Variants in TENM4 observed in about 807,000 individuals in gnomAD.
TENM4 encodes the protein teneurin-4.
Under a neutral mutation model 243.3 loss-of-function variants are expected in TENM4, and 82 were observed. That is an observed-to-expected ratio of 0.34 (90% CI 0.28 to 0.40). The LOEUF (loss-of-function observed/expected upper bound fraction) is 0.40. Among genes scored for constraint, TENM4 ranks in the 10% least tolerant of loss-of-function variants. The pLI is 1.00. For missense variants in TENM4, 3,138 were observed against 3,673.3 expected (o/e 0.85, Z 3.77); for synonymous variants, 1,412 against 1,456.3 (o/e 0.97, Z 0.69).
At chr11:78,668,124 T>C (rs1858205015) in intron 32 of TENM4, among the ~76,000 whole-genome samples, 1 of 152,224 alleles carries the variant, frequency 6.6e-6, no homozygotes, top group African/African-American at 2.4e-5. Context: ...TGAAATGTAT[T>C]TCACTTCACC....
chr11:78,692,054 G>A (rs1362368442), intron 28 of TENM4, among the ~76,000 whole-genome samples: 1 of 152,144 alleles, frequency 6.6e-6, no homozygotes, highest in East Asian at 1.9e-4. Flanking sequence ...ACAACAAAGA[G>A]CAGGGACCTG....
intron 6 of TENM4, among the ~76,000 whole-genome samples, chr11:78,929,886 A>G (rs1323696929): frequency 6.6e-6 from 1 of 152,196 alleles, no homozygotes; most frequent in Non-Finnish European, 1.5e-5. Flanking sequence ...TTCTTTGAAG[A>G]CTAATTAAAT....
At chr11:78,727,963 C>A (rs937135941) in intron 22 of TENM4, among the ~76,000 whole-genome samples, 3 of 152,206 alleles carry the variant, frequency 2.0e-5, no homozygotes, top group African/African-American at 7.2e-5. Flanking sequence ...TGGAAGACGT[C>A]CCTGTGACCC....
intron 6 of TENM4, among the ~76,000 whole-genome samples, chr11:78,983,721 G>A (rs528917760): frequency 1.5e-4 from 22 of 147,634 alleles, no homozygotes; most frequent in Non-Finnish European, 2.7e-4. Context: ...ACACGGCAGG[G>A]CCTGTCACCC....
intron 3 of TENM4, among the ~76,000 whole-genome samples, chr11:79,171,305 C>T (rs1477714019): frequency 1.3e-5 from 2 of 152,182 alleles, no homozygotes; most frequent in Non-Finnish European, 2.9e-5. Context: ...GTGGGCACAA[C>T]TGCATATTTA....
chr11:79,117,517 G>A (rs184253947), intron 4 of TENM4, among the ~76,000 whole-genome samples: 7 of 152,258 alleles, frequency 4.6e-5, no homozygotes, highest in East Asian at 1.9e-4. Flanking sequence ...GTGATGGGGC[G>A]GGGGCCAAAC....
intron 2 of TENM4, among the ~76,000 whole-genome samples, chr11:79,251,129 T>C (rs903393559): frequency 6.6e-6 from 1 of 152,214 alleles, no homozygotes; most frequent in Non-Finnish European, 1.5e-5. Context: ...CACGTCTTAA[T>C]AGCTAGAGGC....
chr11:79,334,299 G>A (rs952143011), intron 1 of TENM4, among the ~76,000 whole-genome samples: 2 of 152,188 alleles, frequency 1.3e-5, no homozygotes, highest in African/African-American at 4.8e-5. Flanking sequence ...TGATGTCTCT[G>A]AATGTGATCA....
chr11:78,849,156 A>G (rs1858470515), intron 12 of TENM4, among the ~76,000 whole-genome samples: 1 of 152,252 alleles, frequency 6.6e-6, no homozygotes, highest in Non-Finnish European at 1.5e-5. Context: ...ATGAAAAGAT[A>G]AGATGCTACC....
At position 78,837,812 on chromosome 11, in the gene TENM4, T is replaced by C. The variant is rs562336229; in HGVS notation, c.1681+16292A>G. Among the ~76,000 whole-genome samples the C allele has an allele frequency of 4.6e-5, 7 of 152,362 alleles. No homozygotes were observed. In the East Asian group the frequency reaches 5.8e-4, roughly 13 times the overall value. Reference sequence around the variant, plus strand: ...ACTTTTATGATAATTTTAATGGCTATATAATATTAAGTAGATATACTATAT... The same window carrying C: ...ACTTTTATGATAATTTTAATGGCTACATAATATTAAGTAGATATACTATAT... On this transcript the variant is annotated intron_variant, in intron 12 of 33. Coordinates refer to ENST00000278550, the MANE Select transcript of TENM4 (RefSeq NM_001098816.3).
intron 4 of TENM4, among the ~76,000 whole-genome samples, chr11:79,127,784 G>A (rs1316961371): frequency 1.3e-5 from 2 of 152,150 alleles, no homozygotes; most frequent in Non-Finnish European, 2.9e-5. Flanking sequence ...CCAGAGAATG[G>A]GAAATAAATC....
At chr11:79,315,905 C>G (rs902060189) in intron 1 of TENM4, among the ~76,000 whole-genome samples, 5 of 152,180 alleles carry the variant, frequency 3.3e-5, no homozygotes, top group Non-Finnish European at 7.3e-5. Context: ...ATTGCACTTT[C>G]TGCTATTACA....
intron 14 of TENM4, among the ~76,000 whole-genome samples, chr11:78,809,823 G>C (rs1857460258): frequency 6.6e-6 from 1 of 152,168 alleles, no homozygotes; most frequent in African/African-American, 2.4e-5. Flanking sequence ...TTAACAAAAT[G>C]ATGAGGCCTG....
At chr11:79,273,674 C>T (rs1856006545) in intron 2 of TENM4, among the ~76,000 whole-genome samples, 1 of 152,178 alleles carries the variant, frequency 6.6e-6, no homozygotes, top group Non-Finnish European at 1.5e-5. Flanking sequence ...ATGCACTGCC[C>T]CACTGCCTCC....
intron 6 of TENM4, among the ~76,000 whole-genome samples, chr11:78,982,993 T>C (rs1404776249): frequency 6.6e-6 from 1 of 152,234 alleles, no homozygotes; most frequent in African/African-American, 2.4e-5. Context: ...CCCTGTGACC[T>C]TTCCCGAGGC....
chr11:79,149,486 A>G (rs1293502797), intron 3 of TENM4, among the ~76,000 whole-genome samples: 2 of 152,036 alleles, frequency 1.3e-5, no homozygotes, highest in East Asian at 3.8e-4. Context: ...AATTTCTGTT[A>G]TCATTTCTTT....
At chr11:79,248,731 C>A (rs537325211) in intron 2 of TENM4, among the ~76,000 whole-genome samples, 1 of 152,190 alleles carries the variant, frequency 6.6e-6, no homozygotes, top group Non-Finnish European at 1.5e-5. Flanking sequence ...GCCATGGAAA[C>A]TACAGCATCT....
At chr11:78,899,284 C>A (rs571868429) in intron 7 of TENM4, among the ~76,000 whole-genome samples, 5 of 152,040 alleles carry the variant, frequency 3.3e-5, no homozygotes, top group African/African-American at 7.2e-5. Flanking sequence ...TTTGTCCCCC[C>A]AAAGCTCATG....
chr11:79,152,592 T>G (rs1156985293), intron 3 of TENM4, among the ~76,000 whole-genome samples: 1 of 152,242 alleles, frequency 6.6e-6, no homozygotes, highest in African/African-American at 2.4e-5. Context: ...TATTTTTGGT[T>G]TAAAAGCTCG....
Sources: gnomAD v4.1 joint callset for allele counts (sites outside exome capture counted in the v4.1 genomes callset) on GRCh38, gnomAD v4.1.1 for gene constraint, MANE v1.5 for transcripts, NCBI Gene and HGNC (gene_info 2026-07-23, HGNC 2026-07-21) for gene names.